Variants in CDH23 observed in about 807,000 individuals in gnomAD.
CDH23 encodes the protein cadherin-23.
A neutral mutation model predicts 317.1 loss-of-function variants in CDH23; 189 were observed. That is an observed-to-expected ratio of 0.60 (90% confidence interval 0.53 to 0.67). CDH23 has a LOEUF of 0.67. CDH23 is among the 30% of genes least tolerant of loss of function. The probability of loss-of-function intolerance (pLI) is 0.00; values close to 1 mark genes in which losing one functional copy is unlikely to be tolerated. For synonymous variants in CDH23, 1,839 were observed against 1,876.8 expected, an observed-to-expected ratio of 0.98 and a Z score of 0.52; for missense variants, 4,401 against 4,592.4, an observed-to-expected ratio of 0.96 and a Z score of 1.20.
At chr10:71,426,115 G>T (rs751360782) in intron 1 of CDH23, among the ~76,000 whole-genome samples, 1 of 152,156 alleles carries the variant, frequency 6.6e-6, no homozygotes, top group East Asian at 1.9e-4. Flanking sequence ...TGAATTAGCC[G>T]GTGGAAGTTG....
At chr10:71,711,271 A>G (rs993636096) in intron 27 of CDH23, among the ~76,000 whole-genome samples, 3 of 152,132 alleles carry the variant, frequency 2.0e-5, no homozygotes, top group African/African-American at 7.2e-5. Context: ...AGCCAGAGCA[A>G]TAAGCCAACC....
intron 14 of CDH23, among the ~76,000 whole-genome samples, chr10:71,659,687 G>A (rs1264059786): frequency 3.9e-5 from 6 of 152,130 alleles, no homozygotes; most frequent in Admixed American, 3.9e-4. Flanking sequence ...ATTTAATTCT[G>A]CTAGATTTCA....
At chr10:71,619,745 G>A (rs754902008) in intron 11 of CDH23, among the ~76,000 whole-genome samples, 2 of 152,126 alleles carry the variant, frequency 1.3e-5, no homozygotes, top group East Asian at 1.9e-4. Flanking sequence ...GAGGTAGGCC[G>A]GGACCCAGGT....
intron 38 of CDH23, chr10:71,750,821 G>A (rs925627845): frequency 4.3e-4 from 69 of 159,674 alleles, no homozygotes; most frequent in Non-Finnish European, 9.6e-5. Flanking sequence ...AGCCAAGGCG[G>A]CCACGGGGGA....
chr10:71,625,396 T>TAAAAAAAAAAAAA, intron 11 of CDH23, among the ~76,000 whole-genome samples: 1 of 19,798 alleles, frequency 5.1e-5, no homozygotes, highest in Non-Finnish European at 1.0e-4. Context: ...CCAAATAAAT[T>TAAAAAAAAAAAAA]AAAAAAAAAA....
intron 14 of CDH23, among the ~76,000 whole-genome samples, chr10:71,649,912 G>A (rs1437083594): frequency 1.3e-5 from 2 of 152,172 alleles, no homozygotes; most frequent in Admixed American, 6.5e-5. Flanking sequence ...CTTGCTCAGG[G>A]CCCCAGGGCT....
Position 71,790,307 on chromosome 10 carries a change from C to T in CDH23, c.5943C>T (p.Leu1981=), listed in dbSNP as rs1387062289. 1 of 1,613,830 alleles carries T rather than the reference C, an allele frequency of 6.2e-7. No homozygotes were observed. Residue 1981 remains leucine, a synonymous_variant, in exon 46 of 70, where the codon CTC becomes CTT. Transcript: ENST00000224721. ...GCCCAGGCACCCCTCTCACGGTGCT[C>T]AATGGGCCCATCCTGGCCCTGGATG... ...NSPAGTPLTV[L]NGPILALDAD... is the part of the protein sequence containing the mutation.
chr10:71,546,857 A>G (rs1304591234), intron 6 of CDH23, among the ~76,000 whole-genome samples: 1 of 152,138 alleles, frequency 6.6e-6, no homozygotes, highest in African/African-American at 2.4e-5. Context: ...GTGTGCCTCC[A>G]CTTCCCAGCA....
At chr10:71,529,775 C>T (rs1855253900) in intron 6 of CDH23, among the ~76,000 whole-genome samples, 1 of 152,098 alleles carries the variant, frequency 6.6e-6, no homozygotes, top group Non-Finnish European at 1.5e-5. Flanking sequence ...CACCTGAGCC[C>T]TACAAGCCCA....
At chr10:71,601,962 G>GC (rs1554844164) in intron 9 of CDH23, among the ~76,000 whole-genome samples, 3 of 38,770 alleles carry the variant, frequency 7.7e-5, no homozygotes, top group African/African-American at 2.7e-4. Context: ...GGGCGGCGGA[G>GC]GGGGGGGGGC....
intron 14 of CDH23, among the ~76,000 whole-genome samples, chr10:71,668,574 A>G (rs1002941313): frequency 6.6e-6 from 1 of 152,206 alleles, no homozygotes; most frequent in Non-Finnish European, 1.5e-5. Flanking sequence ...TCCTTCATCT[A>G]TAAAGTGGGG....
chr10:71,494,195 C>T (rs1483864663), intron 3 of CDH23, among the ~76,000 whole-genome samples: 1 of 152,176 alleles, frequency 6.6e-6, no homozygotes, highest in Non-Finnish European at 1.5e-5. Context: ...AAGTACAAGT[C>T]AACAGGCTCT....
At chr10:71,571,952 C>T (rs966800777) in intron 8 of CDH23, among the ~76,000 whole-genome samples, 12 of 152,220 alleles carry the variant, frequency 7.9e-5, no homozygotes, top group Non-Finnish European at 1.3e-4. Flanking sequence ...CTGGGCCTGA[C>T]CCCTCATTTG....
rs778092747 is a variant in CDH23, at chr10:71,798,394, G to T, written c.6870G>T (p.Thr2290=). The change falls in exon 50 of 70, where the codon ACG becomes ACT. Residue 2290 remains threonine (T), a synonymous_variant. Coordinates refer to ENST00000224721, the MANE Select transcript of CDH23 (RefSeq NM_022124.6). The part of the protein sequence containing the change: ...TVNVLDVNDN[T]PQFKPFGITY... ...ACGTCCTGGACGTCAATGACAATAC[G>T]CCCCAGTTCAAGCCCTTTGGGATCA... is the stretch of plus-strand genomic sequence containing the variant. 6 of 1,613,808 alleles carry T rather than the reference G, an allele frequency of 3.7e-6. No homozygotes were observed. The African/African-American group carries it at 8.0e-5, about 22-fold the overall frequency.
At chr10:71,683,567 T>A (rs1312572979) in intron 18 of CDH23, among the ~76,000 whole-genome samples, 1 of 152,158 alleles carries the variant, frequency 6.6e-6, no homozygotes. Flanking sequence ...CTGAATAGGA[T>A]GCAGCTGGAA....
At chr10:71,700,143 T>C (rs1865529077) in intron 22 of CDH23, among the ~76,000 whole-genome samples, 1 of 152,108 alleles carries the variant, frequency 6.6e-6, no homozygotes, top group African/African-American at 2.4e-5. Flanking sequence ...TCCTAGCACT[T>C]TGGGAGGCCG....
chr10:71,492,877 G>A (rs1035627241), intron 3 of CDH23, among the ~76,000 whole-genome samples: 1 of 152,152 alleles, frequency 6.6e-6, no homozygotes, highest in African/African-American at 2.4e-5. Flanking sequence ...TTGATTCAGC[G>A]CTCCTCTTGT....
chr10:71,708,739 G>A (rs1157025317), intron 26 of CDH23, among the ~76,000 whole-genome samples: 1 of 152,250 alleles, frequency 6.6e-6, no homozygotes, highest in Admixed American at 6.5e-5. Flanking sequence ...GCAGGGAGCA[G>A]AGGGGTGAAG....
chr10:71,628,028 T>C (rs1861828652), intron 11 of CDH23, among the ~76,000 whole-genome samples: 1 of 152,152 alleles, frequency 6.6e-6, no homozygotes, highest in African/African-American at 2.4e-5. Flanking sequence ...GCCTGCCCCA[T>C]TGGCCACCCC....
Sources: gnomAD v4.1 joint callset for allele counts (sites outside exome capture counted in the v4.1 genomes callset) on GRCh38, gnomAD v4.1.1 for gene constraint, MANE v1.5 for transcripts, NCBI Gene and HGNC (gene_info 2026-07-23, HGNC 2026-07-21) for gene names.